Variants in ELAVL2 observed in about 807,000 individuals in gnomAD.
The protein encoded by ELAVL2 is ELAV like RNA binding protein 2, also known as ELAV-like protein 2.
Under a neutral mutation model 34.6 loss-of-function variants are expected in ELAVL2, and 4 were observed. That is an observed-to-expected ratio of 0.12 (90% CI 0.06 to 0.26). ELAVL2 has a LOEUF of 0.26. Ranked by LOEUF, ELAVL2 falls within the 10% of genes least tolerant of loss-of-function variation. ELAVL2 has a pLI of 1.00. For missense variants in ELAVL2, 432 were observed against 442.8 expected, an observed-to-expected ratio of 0.98 and a Z score of 0.22; for synonymous variants, 193 against 154.8, an observed-to-expected ratio of 1.25 and a Z score of -1.83.
At chr9:23,818,920 A>G (rs1221330688) in intron 1 of ELAVL2, among the ~76,000 whole-genome samples, 2 of 152,216 alleles carry the variant, frequency 1.3e-5, no homozygotes, top group African/African-American at 4.8e-5. Flanking sequence ...TGCAATGCCA[A>G]TAATGCCTGA....
chr9:23,763,335 A>T (rs1442569035), intron 1 of ELAVL2, among the ~76,000 whole-genome samples: 1 of 152,098 alleles, frequency 6.6e-6, no homozygotes, highest in Non-Finnish European at 1.5e-5. Flanking sequence ...GTCACAAACC[A>T]CAGCCCCAAA....
At chr9:23,810,981 A>G (rs951938802) in intron 1 of ELAVL2, among the ~76,000 whole-genome samples, 1 of 152,092 alleles carries the variant, frequency 6.6e-6, no homozygotes, top group African/African-American at 2.4e-5. Context: ...ATCCCAATCC[A>G]CTGCTAACTT....
chr9:23,789,927 C>T (rs976348519), intron 1 of ELAVL2, among the ~76,000 whole-genome samples: 4 of 152,228 alleles, frequency 2.6e-5, no homozygotes, highest in South Asian at 2.1e-4. Flanking sequence ...ACAGGTAGGA[C>T]ACTCAGAGGT....
intron 1 of ELAVL2, among the ~76,000 whole-genome samples, chr9:23,813,172 T>C (rs2063237269): frequency 6.6e-6 from 1 of 152,206 alleles, no homozygotes; most frequent in African/African-American, 2.4e-5. Flanking sequence ...ATTAATATTA[T>C]CCACCTTCCT....
In ELAVL2 at chr9:23,774,339, G is replaced by A. The variant is rs28564658; in HGVS notation, c.-15-12090C>T. Among the ~76,000 whole-genome samples the A allele has an allele frequency of 1.3e-4, 20 of 151,958 alleles. No homozygotes were observed. In the South Asian group the frequency reaches 2.9e-3, roughly 22 times the overall value. On this transcript the variant is annotated intron_variant, in intron 1 of 6. Transcript: ENST00000397312. ...AAATGGACAGCAAGGCTGCAGAGTC[G>A]TGTTGGGAGCCTTTTAACATGGAAA...
intron 2 of ELAVL2, among the ~76,000 whole-genome samples, chr9:23,758,746 G>A (rs767634340): frequency 2.6e-5 from 4 of 152,058 alleles, no homozygotes; most frequent in Non-Finnish European, 4.4e-5. Context: ...ATCAAATAAG[G>A]CCGGGGAACT....
At chr9:23,836,979 C>A in the ELAVL2 span, among the ~76,000 whole-genome samples, 1 of 152,170 alleles carries the variant, frequency 6.6e-6, no homozygotes, top group African/African-American at 2.4e-5. Flanking sequence ...GGTTAAGAAG[C>A]TTTCGTCGAA....
chr9:23,723,870 A>C (rs1316861102), intron 3 of ELAVL2, among the ~76,000 whole-genome samples: 48 of 152,106 alleles, frequency 3.2e-4, no homozygotes, highest in Admixed American at 3.1e-3. Flanking sequence ...TGCCCCTTTC[A>C]ATTCCACACG....
chr9:23,834,814 T>G, the ELAVL2 span, among the ~76,000 whole-genome samples: 1 of 152,066 alleles, frequency 6.6e-6, no homozygotes, highest in Non-Finnish European at 1.5e-5. Context: ...CAATACAATT[T>G]CATGATTCAC....
At chr9:23,711,080 A>G (rs1473864530) in intron 3 of ELAVL2, among the ~76,000 whole-genome samples, 1 of 152,218 alleles carries the variant, frequency 6.6e-6, no homozygotes, top group African/African-American at 2.4e-5. Flanking sequence ...AAGGAAGGGC[A>G]TATTTCACAA....
intron 5 of ELAVL2, among the ~76,000 whole-genome samples, chr9:23,698,764 G>A (rs371230356): frequency 6.6e-6 from 1 of 152,034 alleles, no homozygotes; most frequent in Non-Finnish European, 1.5e-5. Flanking sequence ...GGAGTGGGGC[G>A]GAAATCAAGA....
At chr9:23,838,622 G>T in the ELAVL2 span, among the ~76,000 whole-genome samples, 1 of 152,008 alleles carries the variant, frequency 6.6e-6, no homozygotes. Flanking sequence ...ATAACATAAA[G>T]TGTTTCCTTC....
intron 1 of ELAVL2, among the ~76,000 whole-genome samples, chr9:23,793,749 A>G (rs1468702100): frequency 1.3e-5 from 2 of 152,164 alleles, no homozygotes. Flanking sequence ...TGATTTTTAC[A>G]TGCCCCCAAA....
At chr9:23,707,392 TC>T (rs2039667664) in intron 3 of ELAVL2, among the ~76,000 whole-genome samples, 1 of 152,208 alleles carries the variant, frequency 6.6e-6, no homozygotes, top group African/African-American at 2.4e-5. Context: ...GGCTTTTTTT[TC>T]CACAGGAGGG....
chr9:23,812,934 T>A (rs927775332), intron 1 of ELAVL2, among the ~76,000 whole-genome samples: 9 of 152,078 alleles, frequency 5.9e-5, no homozygotes, highest in African/African-American at 2.2e-4. Context: ...CATTGTTCCA[T>A]CCTAAGAAGC....
intron 5 of ELAVL2, among the ~76,000 whole-genome samples, chr9:23,699,626 AT>A (rs2036450950): frequency 6.6e-6 from 1 of 152,016 alleles, no homozygotes; most frequent in African/African-American, 2.4e-5. Context: ...TACGTTTGCA[AT>A]TTAAAAAAGT....
intron 3 of ELAVL2, among the ~76,000 whole-genome samples, chr9:23,712,343 C>T (rs1359185861): frequency 2.0e-5 from 3 of 152,114 alleles, no homozygotes; most frequent in Non-Finnish European, 2.9e-5. Flanking sequence ...GGACAATAAT[C>T]AGACATTTCC....
At chr9:23,808,581 C>T (rs1402285019) in intron 1 of ELAVL2, among the ~76,000 whole-genome samples, 1 of 151,944 alleles carries the variant, frequency 6.6e-6, no homozygotes, top group African/African-American at 2.4e-5. Flanking sequence ...GTCAGGAGGC[C>T]AGACACAATA....
chr9:23,767,710 T>C (rs963480845), intron 1 of ELAVL2, among the ~76,000 whole-genome samples: 1 of 151,578 alleles, frequency 6.6e-6, no homozygotes, highest in East Asian at 1.9e-4. Context: ...GAGGGGGAGG[T>C]TGCAGTCAGC....
Sources: allele counts gnomAD v4.1 joint callset (sites outside exome capture counted in the v4.1 genomes callset), GRCh38; gene constraint gnomAD v4.1.1; transcripts MANE v1.5; gene names NCBI Gene and HGNC (gene_info 2026-07-23, HGNC 2026-07-21).